Variants in BIN2 observed in about 807,000 individuals in gnomAD.
The protein encoded by BIN2 is bridging integrator 2, also known as breast cancer associated protein BRAP1.
In BIN2, 43 loss-of-function variants were observed where a neutral mutation model predicts 67.9. That is an observed-to-expected ratio of 0.63 (90% CI 0.50 to 0.82). The LOEUF (loss-of-function observed/expected upper bound fraction) is 0.82. Ranked by LOEUF, BIN2 falls within the 40% of genes least tolerant of loss-of-function variation. The pLI is 0.00. For synonymous variants in BIN2, 244 were observed against 246.8 expected (o/e 0.99, Z 0.11); for missense variants, 581 against 671.6 (o/e 0.87, Z 1.49).
In BIN2 at chr12:51,281,156, A is replaced by C. The variant is rs1332332630; in HGVS notation, c.*343T>G. The C allele has an allele frequency of 3.8e-6, 1 of 264,490 alleles. No individual in the cohort carries two copies. Among genetic ancestry groups the C allele is most frequent in the Non-Finnish European group, 7.3e-6 (1 of 137,720 alleles). The allele number at this position is 264,490 out of a possible 1,614,324, so 16.4% of individuals were successfully genotyped here. A position where few individuals can be genotyped will look rare whatever the true frequency, so the allele number is the denominator to read the frequency against. On this transcript the variant is annotated 3_prime_UTR_variant, in exon 13 of 13. Coordinates refer to ENST00000615107, the MANE Select transcript of BIN2 (RefSeq NM_016293.4). ...CACTATCCTCTGAGTGTGTGTGGTTATGTCTCTGTATAGGCAAGTGTCTGT... is the reference window on the plus strand; with the variant it reads ...CACTATCCTCTGAGTGTGTGTGGTTCTGTCTCTGTATAGGCAAGTGTCTGT...
chr12:51,289,089 C>A (rs574399550), intron 10 of BIN2, among the ~76,000 whole-genome samples: 1 of 152,034 alleles, frequency 6.6e-6, no homozygotes, highest in African/African-American at 2.4e-5. Flanking sequence ...ATTTTCAAGG[C>A]GGCCCATCCC....
chr12:51,298,804 C>T (rs779490535), intron 7 of BIN2, among the ~76,000 whole-genome samples: 7 of 152,088 alleles, frequency 4.6e-5, no homozygotes, highest in African/African-American at 1.4e-4. Context: ...CATGGTGGCT[C>T]ACGCCTGTAA....
At chr12:51,306,831 C>T (rs1368806072) in intron 2 of BIN2, among the ~76,000 whole-genome samples, 1 of 152,138 alleles carries the variant, frequency 6.6e-6, no homozygotes, top group Non-Finnish European at 1.5e-5. Flanking sequence ...TTCCTCCTTG[C>T]TTTTTCATTT....
chr12:51,321,695 C>T (rs140165600), intron 1 of BIN2, among the ~76,000 whole-genome samples: 6 of 152,170 alleles, frequency 3.9e-5, no homozygotes, highest in African/African-American at 9.6e-5. Flanking sequence ...CACTGCACCC[C>T]GCTGATAATC....
At chr12:51,300,288 A>T (rs1269650700) in intron 5 of BIN2, among the ~76,000 whole-genome samples, 2 of 151,870 alleles carry the variant, frequency 1.3e-5, no homozygotes, top group African/African-American at 4.8e-5. Context: ...AATTAAATAC[A>T]TATATATATT....
At chr12:51,301,340 A>G (rs2137395861) in intron 5 of BIN2, among the ~76,000 whole-genome samples, 1 of 152,316 alleles carries the variant, frequency 6.6e-6, no homozygotes, top group South Asian at 2.1e-4. Context: ...TATTTTACCT[A>G]ACAGACTTTC....
In BIN2 at chr12:51,299,240, G is replaced by A; in HGVS notation, c.565C>T (p.Gln189Ter). ...KAQTVFEDLNQELLEELPILY... is the reference protein window; with the variant it reads ...KAQTVFEDLN ...ATAGGCAGCTCCTCTAGTAGTTCTT[G>A]GTTCAGATCTTCAAACACAGTCTGG... Residue 189 changes from glutamine to a stop codon, truncating the protein, a stop_gained, in exon 7 of 13, where the codon CAA (glutamine) becomes TAA (stop). Coordinates refer to ENST00000615107, the MANE Select transcript of BIN2 (RefSeq NM_016293.4). LOFTEE classifies it high-confidence loss of function. 6.2e-7 allele frequency: 1 copy of A among 1,613,722 alleles called. No individual in the cohort carries two copies.
intron 10 of BIN2, 35 bp from the exon 11 acceptor site, chr12:51,288,223 C>T: frequency 6.4e-7 from 1 of 1,558,008 alleles, no homozygotes; most frequent in Non-Finnish European, 8.9e-7. Context: ...GGAGAGAGTC[C>T]CACACCTTCC....
At chr12:51,286,170 C>G (rs2137340195) in intron 11 of BIN2, among the ~76,000 whole-genome samples, 1 of 151,966 alleles carries the variant, frequency 6.6e-6, no homozygotes, top group East Asian at 1.9e-4. Context: ...TTTATATTTA[C>G]CCATTTTTAC....
chr12:51,285,334 C>T (rs1243442490), intron 11 of BIN2, among the ~76,000 whole-genome samples: 1 of 152,088 alleles, frequency 6.6e-6, no homozygotes, highest in Non-Finnish European at 1.5e-5. Context: ...AGTCCCAGCT[C>T]CTTGAGAGGC....
chr12:51,312,482 A>C (rs1433289989), intron 2 of BIN2, among the ~76,000 whole-genome samples: 2 of 152,172 alleles, frequency 1.3e-5, no homozygotes. Context: ...GCAATGCTCT[A>C]TTCCCGCATA....
At chr12:51,284,837 C>T in intron 11 of BIN2, 50 bp from the exon 12 acceptor site, 1 of 1,363,248 alleles carries the variant, frequency 7.3e-7, no homozygotes, top group Non-Finnish European at 1.1e-6. Context: ...CCTTTCCAGC[C>T]TCTCAGCATA....
chr12:51,302,904 T>C (rs1039472981), intron 3 of BIN2, 124 bp from the exon 4 acceptor site: 8 of 1,124,736 alleles, frequency 7.1e-6, no homozygotes, highest in African/African-American at 3.1e-5. Flanking sequence ...GTTATATAAG[T>C]GAGGAAAGCT....
intron 9 of BIN2, among the ~76,000 whole-genome samples, chr12:51,294,323 C>G (rs935639467): frequency 6.6e-6 from 1 of 152,114 alleles, no homozygotes; most frequent in Non-Finnish European, 1.5e-5. Flanking sequence ...AATCCCAGCA[C>G]TCTGGGAGGC....
intron 5 of BIN2, among the ~76,000 whole-genome samples, chr12:51,300,304 CT>C (rs1945689187): frequency 6.6e-6 from 1 of 151,728 alleles, no homozygotes; most frequent in Non-Finnish European, 1.5e-5. Context: ...ATATTTCCAC[CT>C]CCACCTCCCG....
chr12:51,292,272 A>G lies in BIN2; in HGVS notation c.834T>C (p.Pro278=). Reference sequence around the variant, plus strand: ...TCAAGGAAAGTGTAGAGGGACTAGTAGGTGAGGTAAGAGGACTGGAGACTG... The same window carrying G: ...TCAAGGAAAGTGTAGAGGGACTAGTGGGTGAGGTAAGAGGACTGGAGACTG... The part of the protein sequence containing the change: ...TATVSSPLTS[P]TSPSTLSLKS... The change falls in exon 10 of 13, where the codon CCT becomes CCC. Residue 278 remains proline (P), a synonymous_variant. Coordinates refer to ENST00000615107, the MANE Select transcript of BIN2 (RefSeq NM_016293.4). 1 of 1,601,806 alleles carries G rather than the reference A, an allele frequency of 6.2e-7. No homozygotes were observed. The highest frequency in any genetic ancestry group is 1.7e-4 in the Middle Eastern group (1 of 6,060).
intron 2 of BIN2, 137 bp downstream of exon 2, chr12:51,313,686 C>G: frequency 1.4e-6 from 1 of 736,890 alleles, no homozygotes; most frequent in Non-Finnish European, 2.3e-6. Flanking sequence ...AACAGGTCAC[C>G]CTGTAGCCCT....
At chr12:51,293,762 G>T (rs1448489566) in intron 9 of BIN2, among the ~76,000 whole-genome samples, 2 of 152,168 alleles carry the variant, frequency 1.3e-5, no homozygotes, top group African/African-American at 2.4e-5. Context: ...ATGAAGCTAT[G>T]ATTTAAAACT....
chr12:51,309,980 G>T (rs573867645), intron 2 of BIN2, among the ~76,000 whole-genome samples: 106 of 152,312 alleles, frequency 7.0e-4, no homozygotes, highest in African/African-American at 2.4e-3. Flanking sequence ...GAGTTGAGAA[G>T]AGGCCCAGAG....
Sources: allele counts gnomAD v4.1 joint callset (sites outside exome capture counted in the v4.1 genomes callset), GRCh38; gene constraint gnomAD v4.1.1; transcripts MANE v1.5; gene names NCBI Gene and HGNC (gene_info 2026-07-23, HGNC 2026-07-21).